Variants in URB1 observed in about 807,000 individuals in gnomAD.
URB1 encodes the protein URB1 ribosome biogenesis factor.
In URB1, 197 loss-of-function variants were observed where a neutral mutation model predicts 242.3. That is an observed-to-expected ratio of 0.81 (90% CI 0.72 to 0.91). URB1 has a LOEUF of 0.91. Among genes scored for constraint, URB1 ranks in the 40% least tolerant of loss-of-function variants. URB1 has a pLI of 0.00. For synonymous variants in URB1, 1,153 were observed against 1,201.8 expected (o/e 0.96, Z 0.84); for missense variants, 2,721 against 2,860.5 (o/e 0.95, Z 1.11).
intron 6 of URB1, 114 bp downstream of exon 6, chr21:32,375,284 C>T: frequency 1.6e-6 from 1 of 619,088 alleles, no homozygotes; most frequent in Non-Finnish European, 2.6e-6. Context: ...TCAACCAATA[C>T]AACAATCTAT....
intron 13 of URB1, 102 bp downstream of exon 13, chr21:32,360,905 C>T (rs1346354473): frequency 1.5e-5 from 11 of 735,252 alleles, no homozygotes; most frequent in Non-Finnish European, 6.5e-6. Context: ...GATGAGCACG[C>T]AGCCAACCGT....
chr21:32,315,461 G>C (rs2032099), intron 38 of URB1, among the ~76,000 whole-genome samples: 26,610 of 151,998 alleles, frequency 0.18, 3,489 homozygotes, highest in African/African-American at 0.36. Context: ...CTACAGGCAT[G>C]TGCCACCACG....
chr21:32,383,380 A>T (rs2033547826), intron 4 of URB1, 42 bp downstream of exon 4: 1 of 1,529,008 alleles, frequency 6.5e-7, no homozygotes, highest in Admixed American at 2.1e-5. Flanking sequence ...CCTCCAAGGG[A>T]AGGAGACCCA....
chr21:32,373,423 GTT>G (rs1054769733), intron 7 of URB1, among the ~76,000 whole-genome samples: 1 of 151,010 alleles, frequency 6.6e-6, no homozygotes, highest in Non-Finnish European at 1.5e-5. Context: ...GGAAATCATA[GTT>G]TTCTAATTAA....
Position 32,378,453 on chromosome 21 carries a change from T to G in URB1, c.656A>C (p.Glu219Ala), listed in dbSNP as rs1367407866. Residue 219 changes from glutamate (E) to alanine (A), a missense_variant, in exon 5 of 39, where the codon GAA becomes GCA. Transcript: ENST00000382751. ...GDDSTIVQVLEVKEFIPCIFS... is the reference protein window; with the variant it reads ...GDDSTIVQVLAVKEFIPCIFS... ...CAAGGGAGTACACCTACCTTTCACT[T>G]CCAACACCTGCACTATAGTGCTGTC... is the stretch of plus-strand genomic sequence containing the variant. 3.2e-6 allele frequency: 5 copies of G among 1,551,572 alleles called. No individual in the cohort carries two copies. The Admixed American group carries it at 7.8e-5, about 24-fold the overall frequency.
chr21:32,316,332 CCA>C, intron 38 of URB1, 132 bp downstream of exon 38: 1 of 1,347,202 alleles, frequency 7.4e-7, no homozygotes, highest in African/African-American at 1.5e-5. Flanking sequence ...CCGTAAGGGG[CCA>C]CCTAAACAAG....
At position 32,383,534 on chromosome 21, in the gene URB1, C is replaced by G. The variant is rs2146054143; in HGVS notation, c.455G>C (p.Ser152Thr). The change falls in exon 4 of 39, where the codon AGC becomes ACC. Residue 152 changes from serine to threonine, a missense_variant. Physicochemically the swap from Ser to Thr is moderately conservative, Grantham distance 58 (BLOSUM62 1). Transcript: ENST00000382751. ...SGYRLARACL[S>T]LMTAMVTQGP... Reference sequence around the variant, plus strand: ...CTGGGTCACCATGGCGGTCATCAGGCTCAGGCAGGCGCGAGCCAACCTGCA... The same window carrying G: ...CTGGGTCACCATGGCGGTCATCAGGGTCAGGCAGGCGCGAGCCAACCTGCA... 1 of 1,551,550 alleles carries G rather than the reference C, an allele frequency of 6.4e-7. No individual in the cohort carries two copies.
chr21:32,345,648 G>C, intron 22 of URB1, 73 bp from the exon 23 acceptor site: 1 of 1,421,822 alleles, frequency 7.0e-7, no homozygotes, highest in Non-Finnish European at 9.4e-7. Context: ...CAGCTCCTAG[G>C]AACTGGTTGC....
At position 32,313,880 on chromosome 21, in the gene URB1, C is replaced by A. The variant is rs546647424; in HGVS notation, c.*1038G>T. ...ATGACCATTAAGAGTAAAATTCTGA[C>A]CTTTAAAATAAATGCAGGCCTATGT... On this transcript the variant is annotated 3_prime_UTR_variant, in exon 39 of 39. Coordinates refer to ENST00000382751, the MANE Select transcript of URB1 (RefSeq NM_014825.3). 1.3e-5 allele frequency: 2 copies of A among 152,246 alleles called. No individual in the cohort carries two copies. The highest frequency in any genetic ancestry group is 2.9e-5 in the Non-Finnish European group (2 of 68,032). 9.4% of individuals were successfully genotyped at this position (152,246 alleles called of 1,614,324 possible). A position where few individuals can be genotyped will look rare whatever the true frequency, so the allele number is the denominator to read the frequency against.
chr21:32,325,230 T>C lies in URB1; in HGVS notation c.5120A>G (p.Gln1707Arg). ...AGGATGTACGCTCTTCCTACTTACC[T>C]GGGACTGCTCTTGGAACCGTGCGCC... The part of the protein sequence containing the change: ...LEGARFQEQS[Q>R]LLYLLDVVRN... Residue 1707 changes from glutamine to arginine, a missense_variant and splice_region_variant, in exon 31 of 39, where the codon CAG (glutamine) becomes CGG (arginine). Physicochemically the swap from Gln to Arg is conservative, Grantham distance 43. Transcript: ENST00000382751. 6.5e-7 allele frequency: 1 copy of C among 1,549,874 alleles called. No homozygotes were observed. Among genetic ancestry groups the C allele is most frequent in the Non-Finnish European group, 8.7e-7 (1 of 1,145,650 alleles).
At chr21:32,384,879 G>C (rs1162168836) in intron 2 of URB1, among the ~76,000 whole-genome samples, 1 of 152,218 alleles carries the variant, frequency 6.6e-6, no homozygotes, top group Non-Finnish European at 1.5e-5. Flanking sequence ...TACTTGGGAG[G>C]CTGAGGCAGG....
At chr21:32,387,391 C>T (rs751641288) in intron 1 of URB1, among the ~76,000 whole-genome samples, 6 of 152,132 alleles carry the variant, frequency 3.9e-5, no homozygotes, top group Non-Finnish European at 5.9e-5. Flanking sequence ...TGCACTCTAG[C>T]CTGGCAACAG....
In URB1 at chr21:32,317,829, T is replaced by G; in HGVS notation, c.5881A>C (p.Arg1961=). 1.3e-6 allele frequency: 2 copies of G among 1,551,942 alleles called. No homozygotes were observed. The highest frequency in any genetic ancestry group is 1.7e-6 in the Non-Finnish European group (2 of 1,147,046). The change falls in exon 37 of 39, where the codon AGG becomes CGG. Residue 1961 remains arginine (R), a synonymous_variant. Transcript: ENST00000382751. ...RYRATVIQAF[R]DMNRFTVNET... ...TTTACGGTGAATCTGTTCATGTCCC[T>G]AAAGGCCTGTATGACAGTGGCCCGG...
At position 32,312,806 on chromosome 21, in the gene URB1, G is replaced by C. The variant is rs2032611953; in HGVS notation, c.*2112C>G. ...ATGTCCCCTACAGCTTTCAGGCAAG[G>C]AGGGAGTTGATAGGTTTTATTTTTA... is the stretch of plus-strand genomic sequence containing the variant. On this transcript the variant is annotated 3_prime_UTR_variant, in exon 39 of 39. Transcript: ENST00000382751. 1.3e-5 allele frequency: 2 copies of C among 152,228 alleles called. No individual in the cohort carries two copies. The highest frequency in any genetic ancestry group is 4.8e-5 in the African/African-American group (2 of 41,438). The allele number at this position is 152,228 out of a possible 1,614,324, so 9.4% of individuals were successfully genotyped here.
intron 8 of URB1, among the ~76,000 whole-genome samples, chr21:32,371,165 T>C (rs1245246100): frequency 6.6e-6 from 1 of 152,182 alleles, no homozygotes; most frequent in African/African-American, 2.4e-5. Context: ...GGGCCACGTG[T>C]CTACTGGGGA....
chr21:32,373,690 T>C lies in URB1; in HGVS notation c.833A>G (p.Tyr278Cys), dbSNP rs1345922866. The C allele has an allele frequency of 1.9e-6, 3 of 1,547,806 alleles. No individual in the cohort carries two copies. Among genetic ancestry groups the C allele is most frequent in the Admixed American group, 4.0e-5 (2 of 49,798 alleles). Residue 278 changes from tyrosine to cysteine, a missense_variant, in exon 7 of 39, where the codon TAC becomes TGC. Coordinates refer to ENST00000382751, the MANE Select transcript of URB1 (RefSeq NM_014825.3). ...CACATCGGTAATCCCATTCCAGTTGTACAGCGATGCTATGTGGTTCAATAA... is the reference window on the plus strand; with the variant it reads ...CACATCGGTAATCCCATTCCAGTTGCACAGCGATGCTATGTGGTTCAATAA... The part of the protein sequence containing the change: ...GQLLNHIASL[Y>C]NWNGITDVNP...
chr21:32,345,654 G>C, intron 22 of URB1, 79 bp from the exon 23 acceptor site: 1 of 1,409,820 alleles, frequency 7.1e-7, no homozygotes. Context: ...CTAGGAACTG[G>C]TTGCTATATT....
At chr21:32,326,594 T>C (rs965511336) in intron 30 of URB1, among the ~76,000 whole-genome samples, 7 of 152,092 alleles carry the variant, frequency 4.6e-5, no homozygotes, top group Admixed American at 1.3e-4. Context: ...TGGGAGGTGA[T>C]TGGATCTCGG....
chr21:32,320,304 T>C (rs545350295), intron 35 of URB1, among the ~76,000 whole-genome samples: 1 of 152,308 alleles, frequency 6.6e-6, no homozygotes, highest in African/African-American at 2.4e-5. Flanking sequence ...TGCTGTCCCA[T>C]GGCAGACAAG....
Sources: gnomAD v4.1 joint callset for allele counts (sites outside exome capture counted in the v4.1 genomes callset) on GRCh38, gnomAD v4.1.1 for gene constraint, MANE v1.5 for transcripts, NCBI Gene and HGNC (gene_info 2026-07-23, HGNC 2026-07-21) for gene names.